Variants in DAB1 observed in about 807,000 individuals in gnomAD.
DAB1 encodes disabled homolog 1.
A neutral mutation model predicts 64.6 loss-of-function variants in DAB1; 15 were observed. The ratio of observed to expected loss-of-function variants is 0.23; its 90% CI spans 0.16 to 0.36. The LOEUF is 0.36. Ranked by LOEUF, DAB1 falls within the 10% of genes least tolerant of loss-of-function variation. DAB1 has a pLI of 1.00. For synonymous variants in DAB1, 235 were observed against 251.9 expected (o/e 0.93, Z 0.64); for missense variants, 596 against 706.7 (o/e 0.84, Z 1.78).
intron 4 of DAB1, among the ~76,000 whole-genome samples, chr1:58,173,047 G>A (rs1202737936): frequency 6.6e-6 from 1 of 152,204 alleles, no homozygotes; most frequent in East Asian, 1.9e-4. Flanking sequence ...AGAAAAGGCA[G>A]AAGGAAACCA....
At chr1:57,485,295 G>A (rs1438579228) in intron 7 of DAB1, among the ~76,000 whole-genome samples, 1 of 152,168 alleles carries the variant, frequency 6.6e-6, no homozygotes, top group Admixed American at 6.5e-5. Flanking sequence ...TTAAGAGATT[G>A]TTCTATGGGG....
intron 4 of DAB1, among the ~76,000 whole-genome samples, chr1:58,288,178 TAA>T (rs1661737047): frequency 6.6e-6 from 1 of 152,184 alleles, no homozygotes; most frequent in Admixed American, 6.5e-5. Context: ...CATTTACATT[TAA>T]ACTGACAAAT....
At position 57,033,448 on chromosome 1, in the gene DAB1, C is replaced by T. The variant is rs558214951; in HGVS notation, c.724-7405G>A. ...AGGTTTCTGTTCTGTAACCACAAGGCATGACTGATGAGCATGAAATGAATG... is the reference window on the plus strand; with the variant it reads ...AGGTTTCTGTTCTGTAACCACAAGGTATGACTGATGAGCATGAAATGAATG... On this transcript the variant is annotated intron_variant, in intron 9 of 14. Coordinates refer to ENST00000371236, the MANE Select transcript of DAB1 (RefSeq NM_001365792.1). 3.1e-6 allele frequency: 5 copies of T among 1,612,902 alleles called. No individual in the cohort carries two copies. In the East Asian group the frequency reaches 1.1e-4, roughly 36 times the overall value.
Position 57,176,970 on chromosome 1 carries a change from T to TAAAAAA in DAB1, c.68-31542_68-31541insTTTTTT, listed in dbSNP as rs146465598. Among the ~76,000 whole-genome samples the TAAAAAA allele has an allele frequency of 3.3e-5, 2 of 61,038 alleles. 1 individual carries two copies. Among genetic ancestry groups the TAAAAAA allele is most frequent in the Non-Finnish European group, 9.2e-5 (2 of 21,720 alleles). 40.0% of individuals were successfully genotyped at this position (61,038 alleles called of 152,430 possible). A position where few individuals can be genotyped will look rare whatever the true frequency, so the allele number is the denominator to read the frequency against. ...GATAAAAAAAAGAAGCAGCAGCAGA[T>TAAAAAA]ATAAAAAAAAAAAAAAAAAAAAGCC... On this transcript the variant is annotated intron_variant, in intron 2 of 14. Transcript: ENST00000371236.
At chr1:58,439,718 T>C (rs1644986500) in intron 3 of DAB1, among the ~76,000 whole-genome samples, 1 of 152,224 alleles carries the variant, frequency 6.6e-6, no homozygotes, top group African/African-American at 2.4e-5. Flanking sequence ...AGCTAGTAAG[T>C]GACAGAGAAA....
intron 7 of DAB1, among the ~76,000 whole-genome samples, chr1:57,459,824 C>T (rs1008776820): frequency 3.9e-5 from 6 of 152,144 alleles, no homozygotes; most frequent in Admixed American, 6.5e-5. Flanking sequence ...CTGGAGCTAG[C>T]GTTGAGGAGA....
At chr1:58,088,417 T>G (rs1264444957) in intron 5 of DAB1, among the ~76,000 whole-genome samples, 1 of 152,228 alleles carries the variant, frequency 6.6e-6, no homozygotes, top group Non-Finnish European at 1.5e-5. Context: ...CCCATCTATT[T>G]AAAAAATTAT....
At chr1:57,400,854 C>A (rs553477222) in intron 1 of DAB1, among the ~76,000 whole-genome samples, 2 of 152,098 alleles carry the variant, frequency 1.3e-5, no homozygotes. Flanking sequence ...GTGGCTCAAA[C>A]CTAATTTTCT....
At chr1:58,097,950 C>T (rs1376784939) in intron 5 of DAB1, among the ~76,000 whole-genome samples, 1 of 152,168 alleles carries the variant, frequency 6.6e-6, no homozygotes, top group Non-Finnish European at 1.5e-5. Flanking sequence ...TCTCAGGATT[C>T]CCACGGGCAG....
chr1:58,486,361 C>G (rs1280923692), intron 3 of DAB1, among the ~76,000 whole-genome samples: 41 of 152,162 alleles, frequency 2.7e-4, no homozygotes. Flanking sequence ...CTCCTAAGAC[C>G]ACTGTTATCT....
chr1:57,722,172 T>C (rs1361501045), intron 6 of DAB1, among the ~76,000 whole-genome samples: 2 of 151,536 alleles, frequency 1.3e-5, no homozygotes, highest in African/African-American at 2.4e-5. Flanking sequence ...TCACACTTTA[T>C]GTAAAGCAAT....
intron 7 of DAB1, among the ~76,000 whole-genome samples, chr1:57,593,585 A>G (rs1449180277): frequency 1.3e-5 from 2 of 152,232 alleles, no homozygotes; most frequent in African/African-American, 2.4e-5. Flanking sequence ...TATACTTTAC[A>G]TATATGCAGA....
chr1:58,139,245 A>G (rs1654141475), intron 5 of DAB1, among the ~76,000 whole-genome samples: 1 of 152,120 alleles, frequency 6.6e-6, no homozygotes. Flanking sequence ...CCCATGGCCA[A>G]TGTGATCAAA....
chr1:58,312,712 GA>G (rs1662458065), intron 4 of DAB1, among the ~76,000 whole-genome samples: 1 of 152,148 alleles, frequency 6.6e-6, no homozygotes, highest in Admixed American at 6.5e-5. Context: ...CAAATGTTTA[GA>G]AGCTTGGTAG....
intron 3 of DAB1, among the ~76,000 whole-genome samples, chr1:58,471,903 T>G (rs1645363789): frequency 3.3e-5 from 5 of 152,176 alleles, no homozygotes; most frequent in Admixed American, 3.3e-4. Context: ...TCTGTTTTCT[T>G]TAGAAATTAG....
At chr1:57,706,234 T>G (rs142971321) in intron 6 of DAB1, among the ~76,000 whole-genome samples, 19 of 152,154 alleles carry the variant, frequency 1.2e-4, no homozygotes, top group African/African-American at 4.1e-4. Flanking sequence ...TCTTCCTTCC[T>G]TCTTCCCTCC....
chr1:58,217,389 G>A (rs1021699620), intron 4 of DAB1, among the ~76,000 whole-genome samples: 5 of 152,216 alleles, frequency 3.3e-5, no homozygotes, highest in African/African-American at 1.2e-4. Flanking sequence ...AGTGACAGGA[G>A]TCCCCAGGGG....
chr1:58,022,959 C>G (rs972118118), intron 5 of DAB1, among the ~76,000 whole-genome samples: 1 of 152,122 alleles, frequency 6.6e-6, no homozygotes, highest in Non-Finnish European at 1.5e-5. Flanking sequence ...CACAATGCCT[C>G]ACATGGCATA....
At chr1:57,914,846 T>G (rs1249459074) in intron 5 of DAB1, among the ~76,000 whole-genome samples, 1 of 152,158 alleles carries the variant, frequency 6.6e-6, no homozygotes, top group Non-Finnish European at 1.5e-5. Context: ...ACTGCATGCC[T>G]CAAAATTGCC....
Sources: gnomAD v4.1 joint callset for allele counts (sites outside exome capture counted in the v4.1 genomes callset) on GRCh38, gnomAD v4.1.1 for gene constraint, MANE v1.5 for transcripts, NCBI Gene and HGNC (gene_info 2026-07-23, HGNC 2026-07-21) for gene names.